KLHL3: variants seen among roughly 807,000 people sequenced by gnomAD.
The protein encoded by KLHL3 is kelch like family member 3.
KLHL3 carries 19 observed loss-of-function variants against 70.5 expected under a neutral mutation model. The observed-to-expected ratio is 0.27, with a 90% confidence interval of 0.19 to 0.40. The LOEUF (loss-of-function observed/expected upper bound fraction) is 0.40, where lower values mean the gene tolerates loss of function less well. Among genes scored for constraint, KLHL3 ranks in the 10% least tolerant of loss-of-function variants. KLHL3 has a pLI of 1.00. For missense variants in KLHL3, 512 were observed against 771.1 expected, an observed-to-expected ratio of 0.66 and a Z score of 3.98; for synonymous variants, 258 against 290.3, an observed-to-expected ratio of 0.89 and a Z score of 1.13.
chr5:137,679,150 C>T (rs1163061535), intron 5 of KLHL3, among the ~76,000 whole-genome samples: 4 of 138,238 alleles, frequency 2.9e-5, no homozygotes, highest in Non-Finnish European at 6.4e-5. Context: ...GAGCAATCTT[C>T]TTTGGATGGT....
rs2074348 is a variant in KLHL3 at position 137,639,998 on chromosome 5, G to A, written c.904-21C>T. ...ATGACCTCCGGAGAGACAAGTGGACGTTAGCGGGGTCACCCCAAAATCTGG... is the reference window on the plus strand; with the variant it reads ...ATGACCTCCGGAGAGACAAGTGGACATTAGCGGGGTCACCCCAAAATCTGG... On this transcript the variant is annotated intron_variant, in intron 8 of 14. Coordinates refer to ENST00000309755, the MANE Select transcript of KLHL3 (RefSeq NM_017415.3). The surrounding 1 kb of genome is among the most constrained non-coding windows in gnomAD (Gnocchi z 5.0). 0.32 allele frequency: 509,288 copies of A among 1,603,096 alleles called. 84,081 individuals are homozygous for A. The highest frequency in any genetic ancestry group is 0.54 in the East Asian group (24,349 of 44,804).
At chr5:137,638,290 C>T (rs1230365620) in intron 10 of KLHL3, among the ~76,000 whole-genome samples, 5 of 152,056 alleles carry the variant, frequency 3.3e-5, no homozygotes, top group Non-Finnish European at 5.9e-5. Context: ...AAAAATTCAG[C>T]GAAGTAAAAA....
In KLHL3 at chr5:137,693,648, G is replaced by T. The variant is rs191924839; in HGVS notation, c.364-1201C>A. On this transcript the variant is annotated intron_variant, in intron 4 of 14. Transcript: ENST00000309755. ...AAAAAATCACACTACAGAATAGCTT[G>T]ATTTAAGGCTGCTTATCTTGGGGAC... Among the ~76,000 whole-genome samples, 43 of 152,268 alleles carry T rather than the reference G, an allele frequency of 2.8e-4. No individual in the cohort carries two copies. The East Asian group carries it at 7.9e-3, about 28-fold the overall frequency.
intron 5 of KLHL3, among the ~76,000 whole-genome samples, chr5:137,678,278 T>C (rs1368868372): frequency 6.6e-6 from 1 of 152,034 alleles, no homozygotes; most frequent in Non-Finnish European, 1.5e-5. Flanking sequence ...GCCAGGCCTA[T>C]GGAACTGTTC....
intron 12 of KLHL3, among the ~76,000 whole-genome samples, chr5:137,632,475 C>A (rs1750662242): frequency 6.6e-6 from 1 of 152,052 alleles, no homozygotes; most frequent in African/African-American, 2.4e-5. Context: ...TGAAACTAGA[C>A]CTCTATCTCT....
chr5:137,677,675 AG>A, intron 5 of KLHL3, 21 bp from the exon 6 acceptor site: 2 of 1,420,664 alleles, frequency 1.4e-6, no homozygotes, highest in South Asian at 1.3e-5. Context: ...AAAAAAAAAA[AG>A]AAGTTAAGAA....
At chr5:137,640,525 A>C (rs750850506) in intron 8 of KLHL3, among the ~76,000 whole-genome samples, 1 of 152,214 alleles carries the variant, frequency 6.6e-6, no homozygotes, top group African/African-American at 2.4e-5. Context: ...TATTTCCACA[A>C]GTAAGGTAGT....
chr5:137,715,716 A>G (rs932568611), intron 2 of KLHL3, among the ~76,000 whole-genome samples: 2 of 152,208 alleles, frequency 1.3e-5, no homozygotes, highest in Non-Finnish European at 2.9e-5. Flanking sequence ...TCTCACAACA[A>G]TATCTAAGGC....
At chr5:137,674,349 G>A (rs1263629590) in intron 6 of KLHL3, among the ~76,000 whole-genome samples, 1 of 152,150 alleles carries the variant, frequency 6.6e-6, no homozygotes, top group Non-Finnish European at 1.5e-5. Context: ...ATTCTTGTGG[G>A]AGATAAATAA....
In KLHL3 at chr5:137,639,064, C is replaced by T. The variant is rs755272708; in HGVS notation, c.1108G>A (p.Val370Met). ...GCAATGGACGTCCACTGGTCCTTCA[C>T]GCCGTCATACACATCCACTGTCCGC... ...RVRTVDVYDG[V>M]KDQWTSIASM... is the part of the protein sequence containing the mutation. The change falls in exon 10 of 15, where the codon GTG becomes ATG. Residue 370 changes from valine to methionine, a missense_variant. Physicochemically the swap from Val to Met is conservative, Grantham distance 21. Transcript: ENST00000309755. This position sits in a 1 kb window ranked among gnomAD's most constrained non-coding sequence, Gnocchi z 5.0. 6.8e-6 allele frequency: 11 copies of T among 1,614,028 alleles called. No individual in the cohort carries two copies. Among genetic ancestry groups the T allele is most frequent in the African/African-American group, 5.3e-5 (4 of 74,918 alleles).
At chr5:137,732,650 A>G (rs1271358620) in intron 1 of KLHL3, among the ~76,000 whole-genome samples, 1 of 152,096 alleles carries the variant, frequency 6.6e-6, no homozygotes, top group Admixed American at 6.6e-5. Context: ...AAAAAAAGAG[A>G]GGTCCTAAAA....
At chr5:137,733,329 C>G (rs924349983) in intron 1 of KLHL3, among the ~76,000 whole-genome samples, 1 of 152,206 alleles carries the variant, frequency 6.6e-6, no homozygotes, top group Non-Finnish European at 1.5e-5. Flanking sequence ...AGGCTTCAGT[C>G]TCTTCTTTCA....
intron 1 of KLHL3, among the ~76,000 whole-genome samples, chr5:137,722,807 C>T (rs777242838): frequency 2.0e-5 from 3 of 152,116 alleles, no homozygotes; most frequent in Non-Finnish European, 4.4e-5. Flanking sequence ...GCTGGGATTA[C>T]AGGCGTGCAC....
chr5:137,699,883 C>A (rs1305453882), intron 3 of KLHL3, among the ~76,000 whole-genome samples: 2 of 152,160 alleles, frequency 1.3e-5, no homozygotes, highest in East Asian at 1.9e-4. Context: ...CTGCAGACAC[C>A]CACCTCCAAG....
intron 8 of KLHL3, among the ~76,000 whole-genome samples, chr5:137,643,251 C>G (rs1002599130): frequency 1.6e-4 from 24 of 151,398 alleles, no homozygotes; most frequent in African/African-American, 5.6e-4. Context: ...ACTTGGAAGG[C>G]TGAGGTGGCA....
At chr5:137,731,410 A>C (rs1369198076) in intron 1 of KLHL3, among the ~76,000 whole-genome samples, 1 of 152,206 alleles carries the variant, frequency 6.6e-6, no homozygotes, top group African/African-American at 2.4e-5. Flanking sequence ...AAAAAAGGCT[A>C]GGTTGCTCAA....
At chr5:137,656,296 C>G (rs1403202449) in intron 8 of KLHL3, among the ~76,000 whole-genome samples, 1 of 151,912 alleles carries the variant, frequency 6.6e-6, no homozygotes. Flanking sequence ...CAATTAAACA[C>G]CATGTACCAT....
chr5:137,682,482 A>C (rs904440465), intron 5 of KLHL3, among the ~76,000 whole-genome samples: 2 of 151,310 alleles, frequency 1.3e-5, no homozygotes, highest in East Asian at 3.9e-4. Context: ...TGGGGAAAAA[A>C]GAGAATAATC....
intron 6 of KLHL3, among the ~76,000 whole-genome samples, chr5:137,663,470 T>A (rs1436927988): frequency 6.6e-6 from 1 of 151,820 alleles, no homozygotes; most frequent in East Asian, 1.9e-4. Flanking sequence ...TCCCATATAC[T>A]TTAAATCATC....
Sources: gnomAD v4.1 joint callset for allele counts (sites outside exome capture counted in the v4.1 genomes callset) on GRCh38, gnomAD v4.1.1 for gene constraint, Gnocchi (gnomAD v3.1) non-coding constraint, MANE v1.5 for transcripts, NCBI Gene and HGNC (gene_info 2026-07-23, HGNC 2026-07-21) for gene names.